The following ABCC9 variants were observed in gnomAD, a reference collection of about 807,000 sequenced individuals.
The protein encoded by ABCC9 is ATP-binding cassette sub-family C member 9.
A neutral mutation model predicts 188.3 loss-of-function variants in ABCC9; 95 were observed. The observed-to-expected ratio is 0.50, with a 90% CI of 0.43 to 0.60. ABCC9 has a LOEUF of 0.60. Among genes scored for constraint, ABCC9 ranks in the 20% least tolerant of loss-of-function variants. The pLI is 0.00. For missense variants in ABCC9, 1,102 were observed against 1,876.3 expected (o/e 0.59, Z 7.62); for synonymous variants, 659 against 652.7 (o/e 1.01, Z -0.15).
intron 30 of ABCC9, among the ~76,000 whole-genome samples, chr12:21,833,692 C>T (rs1284698290): frequency 3.3e-5 from 5 of 152,118 alleles, no homozygotes; most frequent in African/African-American, 4.8e-5. Flanking sequence ...GTTGTTTCAC[C>T]TGCCAGTTTT....
At chr12:21,936,356 T>C (rs1391547096) in intron 3 of ABCC9, among the ~76,000 whole-genome samples, 177 bp downstream of exon 3, 1 of 152,180 alleles carries the variant, frequency 6.6e-6, no homozygotes, top group Non-Finnish European at 1.5e-5. Context: ...CAATTTCACC[T>C]ACGGAAGATC....
chr12:21,872,324 TTTAAG>T (rs1946122686), intron 18 of ABCC9, among the ~76,000 whole-genome samples: 1 of 152,214 alleles, frequency 6.6e-6, no homozygotes, highest in South Asian at 2.1e-4. Flanking sequence ...AGAATAAACT[TTTAAG>T]TTATTTCTTG....
chr12:21,835,615 C>T (rs1426036148), intron 30 of ABCC9, among the ~76,000 whole-genome samples: 1 of 152,126 alleles, frequency 6.6e-6, no homozygotes, highest in African/African-American at 2.4e-5. Context: ...AATGAGGCAG[C>T]AATTGGCAGA....
chr12:21,809,973 T>C lies in ABCC9; in HGVS notation c.4212-18A>G. 7.0e-7 allele frequency: 1 copy of C among 1,425,082 alleles called. No individual in the cohort carries two copies. Among genetic ancestry groups the C allele is most frequent in the Non-Finnish European group, 9.9e-7 (1 of 1,010,586 alleles). The allele number at this position is 1,425,082 out of a possible 1,614,324, so 88.3% of individuals were successfully genotyped here. A position where few individuals can be genotyped will look rare whatever the true frequency, so the allele number is the denominator to read the frequency against. Reference sequence around the variant, plus strand: ...AATTAAATCTGTAGGGAAAAATTAGTTAATTAGTCAATAAGTGAAAATATA... The same window carrying C: ...AATTAAATCTGTAGGGAAAAATTAGCTAATTAGTCAATAAGTGAAAATATA... On this transcript the variant is annotated intron_variant, in intron 36 of 39. Transcript: ENST00000261200.
chr12:21,925,030 T>TAC (rs1196650443), intron 5 of ABCC9: 1 of 152,546 alleles, frequency 6.6e-6, no homozygotes, highest in Non-Finnish European at 1.5e-5. Flanking sequence ...TTTCAATATT[T>TAC]CTTCTCCTAA....
rs201249562 is a variant in ABCC9, at chr12:21,860,923, C to T, written c.2424+48G>A. 30 of 1,429,196 alleles carry T rather than the reference C, an allele frequency of 2.1e-5. No individual in the cohort carries two copies. The Admixed American group carries it at 5.0e-4, about 24-fold the overall frequency. The allele number at this position is 1,429,196 out of a possible 1,614,324, so 88.5% of individuals were successfully genotyped here. A position where few individuals can be genotyped will look rare whatever the true frequency, so the allele number is the denominator to read the frequency against. ...TTAAAGATTAAAGACAACCAGAAGA[C>T]TTTTCTAGATTTTTGTTCATTGCTT... On this transcript the variant is annotated intron_variant, in intron 21 of 39. Coordinates refer to ENST00000261200, the MANE Select transcript of ABCC9 (RefSeq NM_020297.4).
chr12:21,864,399 A>C, intron 19 of ABCC9, 40 bp downstream of exon 19: 1 of 1,385,816 alleles, frequency 7.2e-7, no homozygotes, highest in Non-Finnish European at 1.0e-6. Flanking sequence ...TGAGGAAGGA[A>C]GTTATTCTTA....
At chr12:21,925,475 T>C (rs928158832) in intron 5 of ABCC9, 26 of 702,402 alleles carry the variant, frequency 3.7e-5, no homozygotes, top group African/African-American at 1.0e-4. Flanking sequence ...TCTAGTAAAA[T>C]GTGGCATTCC....
intron 21 of ABCC9, among the ~76,000 whole-genome samples, chr12:21,859,966 T>C (rs559055590): frequency 8.5e-5 from 13 of 152,284 alleles, no homozygotes; most frequent in African/African-American, 3.1e-4. Flanking sequence ...AATTCCAAGA[T>C]TTTTTCTTGT....
intron 18 of ABCC9, among the ~76,000 whole-genome samples, chr12:21,865,059 AC>A (rs1945712951): frequency 6.6e-6 from 1 of 152,138 alleles, no homozygotes; most frequent in South Asian, 2.1e-4. Flanking sequence ...GGCTTTGGTC[AC>A]AATTTGTTAT....
At chr12:21,846,440 C>A (rs1944675095) in intron 25 of ABCC9, among the ~76,000 whole-genome samples, 1 of 152,202 alleles carries the variant, frequency 6.6e-6, no homozygotes, top group African/African-American at 2.4e-5. Context: ...AAAATTTGAT[C>A]ATTTCTATGG....
chr12:21,823,832 G>A (rs1943194340), intron 31 of ABCC9, among the ~76,000 whole-genome samples: 1 of 152,238 alleles, frequency 6.6e-6, no homozygotes, highest in Admixed American at 6.5e-5. Flanking sequence ...GGCTTCACTT[G>A]GCACCCAGAG....
intron 5 of ABCC9, among the ~76,000 whole-genome samples, chr12:21,919,412 A>G (rs965367363): frequency 3.9e-5 from 6 of 151,978 alleles, no homozygotes; most frequent in Non-Finnish European, 5.9e-5. Flanking sequence ...ATGACAATAT[A>G]TCCAAAAATT....
At chr12:21,901,685 A>G (rs1003058215) in intron 12 of ABCC9, among the ~76,000 whole-genome samples, 7 of 152,232 alleles carry the variant, frequency 4.6e-5, no homozygotes, top group African/African-American at 1.7e-4. Context: ...CTTTAAACCA[A>G]CAAGATCAAA....
In ABCC9 at chr12:21,908,216, A is replaced by G. The variant is rs1460939165; in HGVS notation, c.1321-5T>C. On this transcript the variant is annotated splice_region_variant and splice_polypyrimidine_tract_variant and intron_variant, in intron 10 of 39. Coordinates refer to ENST00000261200, the MANE Select transcript of ABCC9 (RefSeq NM_020297.4). Reference sequence around the variant, plus strand: ...CAGAATCACGCCCATTATGATCTAGAGAGAAAAACACATGGAAAAGAGAAG... The same window carrying G: ...CAGAATCACGCCCATTATGATCTAGGGAGAAAAACACATGGAAAAGAGAAG... 2 of 1,612,212 alleles carry G rather than the reference A, an allele frequency of 1.2e-6. No homozygotes were observed. Among genetic ancestry groups the G allele is most frequent in the Non-Finnish European group, 1.7e-6 (2 of 1,178,694 alleles).
At chr12:21,819,161 T>C (rs1169609332) in intron 31 of ABCC9, among the ~76,000 whole-genome samples, 1 of 152,158 alleles carries the variant, frequency 6.6e-6, no homozygotes, top group Non-Finnish European at 1.5e-5. Flanking sequence ...TATTGTTCTG[T>C]CTCATCATTC....
intron 5 of ABCC9, chr12:21,925,156 G>A (rs906663139): frequency 2.6e-5 from 5 of 194,988 alleles, no homozygotes; most frequent in African/African-American, 1.2e-4. Context: ...GAGGTTCATA[G>A]CCCATCTGTG....
At chr12:21,938,199 T>C (rs941376175) in intron 2 of ABCC9, 1 of 152,224 alleles carries the variant, frequency 6.6e-6, no homozygotes, top group African/African-American at 2.4e-5. Flanking sequence ...AGAGTCTGTG[T>C]ATTTACAATC....
chr12:21,810,854 A>T (rs1048152512), intron 36 of ABCC9, among the ~76,000 whole-genome samples: 3 of 152,202 alleles, frequency 2.0e-5, no homozygotes, highest in Non-Finnish European at 4.4e-5. Context: ...ATACTAGGCA[A>T]TCTTACATAC....
Sources: allele counts gnomAD v4.1 joint callset (sites outside exome capture counted in the v4.1 genomes callset), GRCh38; gene constraint gnomAD v4.1.1; transcripts MANE v1.5; gene names NCBI Gene and HGNC (gene_info 2026-07-23, HGNC 2026-07-21).